The following SLFN5 variants were observed in gnomAD, a reference collection of about 807,000 sequenced individuals.
SLFN5 encodes schlafen family member 5.
In SLFN5, 34 loss-of-function variants were observed where a neutral mutation model predicts 48.5. The ratio of observed to expected loss-of-function variants is 0.70; its 90% CI spans 0.53 to 0.93. The LOEUF (loss-of-function observed/expected upper bound fraction) is 0.93. Ranked by LOEUF, SLFN5 falls within the 40% of genes least tolerant of loss-of-function variation. The probability of loss-of-function intolerance (pLI) is 0.00; values close to 1 mark genes in which losing one functional copy is unlikely to be tolerated. For missense variants in SLFN5, 1,006 were observed against 1,071.3 expected (o/e 0.94, Z 0.85); for synonymous variants, 387 against 396.2 (o/e 0.98, Z 0.28).
At position 35,258,633 on chromosome 17, in the gene SLFN5, T is replaced by C; in HGVS notation, c.-40-18T>C. The C allele has an allele frequency of 6.4e-7, 1 of 1,558,676 alleles. No homozygotes were observed. The highest frequency in any genetic ancestry group is 1.2e-5 in the South Asian group (1 of 82,114). ...TATTCTTGTCCTGTTCTAATGGTTC[T>C]ATCTTTCTGTTTTTCAGGAGAACAT... On this transcript the variant is annotated intron_variant, in intron 1 of 4. Transcript: ENST00000299977.
intron 3 of SLFN5, among the ~76,000 whole-genome samples, chr17:35,262,891 C>G (rs547107471): frequency 6.6e-6 from 1 of 152,216 alleles, no homozygotes; most frequent in South Asian, 2.1e-4. Flanking sequence ...CATGCTGTCC[C>G]TTTTTAGTCA....
In SLFN5 at chr17:35,266,523, T is replaced by G. The variant is rs12150082; in HGVS notation, c.*635T>G. 0.1 allele frequency: 15,418 copies of G among 152,290 alleles called. 860 individuals carry two copies. Among genetic ancestry groups the G allele is most frequent in the South Asian group, 0.13 (616 of 4,822 alleles). 9.4% of individuals were successfully genotyped at this position (152,290 alleles called of 1,614,324 possible). A position where few individuals can be genotyped will look rare whatever the true frequency, so the allele number is the denominator to read the frequency against. On this transcript the variant is annotated 3_prime_UTR_variant, in exon 5 of 5. Transcript: ENST00000299977. Reference sequence around the variant, plus strand: ...CTTTTAACGACATTAGTGTTTTTGATCACTATATTTTAAAATGCTTTTTGT... The same window carrying G: ...CTTTTAACGACATTAGTGTTTTTGAGCACTATATTTTAAAATGCTTTTTGT...
intron 3 of SLFN5, among the ~76,000 whole-genome samples, chr17:35,262,407 G>T (rs911988507): frequency 1.3e-5 from 2 of 148,440 alleles, no homozygotes; most frequent in African/African-American, 4.9e-5. Flanking sequence ...AAAAGGAAAA[G>T]AAAAAAAAAT....
intron 1 of SLFN5, among the ~76,000 whole-genome samples, chr17:35,246,524 A>T (rs1271352104): frequency 1.3e-5 from 2 of 152,058 alleles, no homozygotes; most frequent in Non-Finnish European, 2.9e-5. Flanking sequence ...TCAGAAGGAG[A>T]AGTTCTTAAA....
intron 1 of SLFN5, among the ~76,000 whole-genome samples, chr17:35,250,558 G>A (rs2092440041): frequency 6.6e-6 from 1 of 151,936 alleles, no homozygotes; most frequent in Non-Finnish European, 1.5e-5. Context: ...TACTCGGGAG[G>A]CTGAGGCAGG....
chr17:35,265,120 GA>G lies in SLFN5; in HGVS notation c.1913del (p.Asn638ThrfsTer54). Reference sequence around the variant, plus strand: ...AGCCAGTGACCCGGAAAACCTTCATGAAAAACAACTTTGAACACATCCAGCA... The same window carrying G: ...AGCCAGTGACCCGGAAAACCTTCATGAAAACAACTTTGAACACATCCAGCA... ...CQPVTRKTFM[K>X]NNFEHIQHII... On this transcript the variant is annotated frameshift_variant, in exon 5 of 5. Transcript: ENST00000299977. LOFTEE classifies it low-confidence loss of function (END_TRUNC). 6.2e-7 allele frequency: 1 copy of G among 1,613,614 alleles called. No homozygotes were observed. Among genetic ancestry groups the G allele is most frequent in the Non-Finnish European group, 8.5e-7 (1 of 1,179,882 alleles).
At chr17:35,251,457 G>T (rs1399019034) in intron 1 of SLFN5, among the ~76,000 whole-genome samples, 1 of 152,164 alleles carries the variant, frequency 6.6e-6, no homozygotes, top group Non-Finnish European at 1.5e-5. Context: ...CCAGGCTGGA[G>T]TGCAGTGGCG....
At position 35,259,674 on chromosome 17, in the gene SLFN5, G is replaced by T; in HGVS notation, c.984G>T (p.Trp328Cys). The T allele has an allele frequency of 6.2e-7, 1 of 1,600,422 alleles. No individual in the cohort carries two copies. Among genetic ancestry groups the T allele is most frequent in the South Asian group, 1.1e-5 (1 of 91,058 alleles). Reference sequence around the variant, plus strand: ...TGAGACAATTGCCCACAAGAGAATGGACTGCTTGGATGATGGAAGCTGACC... The same window carrying T: ...TGAGACAATTGCCCACAAGAGAATGTACTGCTTGGATGATGGAAGCTGACC... ...NRVRQLPTRE[W>C]TAWMMEADPD... The change falls in exon 2 of 5, where the codon TGG (tryptophan) becomes TGT (cysteine). Residue 328 changes from tryptophan to cysteine, a missense_variant. Physicochemically the swap from Trp to Cys is radical, Grantham distance 215 (BLOSUM62 -2). Transcript: ENST00000299977.
chr17:35,247,179 C>T (rs2092432718), intron 1 of SLFN5, among the ~76,000 whole-genome samples: 1 of 152,152 alleles, frequency 6.6e-6, no homozygotes, highest in South Asian at 2.1e-4. Flanking sequence ...AATATGTTCC[C>T]CAAACTAATC....
chr17:35,255,606 T>C (rs1483736698), intron 1 of SLFN5, among the ~76,000 whole-genome samples: 2 of 152,238 alleles, frequency 1.3e-5, no homozygotes, highest in East Asian at 1.9e-4. Context: ...GGAACCATTG[T>C]CTGCCTGAGC....
chr17:35,253,152 G>C (rs1012856700), intron 1 of SLFN5, among the ~76,000 whole-genome samples: 1 of 151,946 alleles, frequency 6.6e-6, no homozygotes, highest in Non-Finnish European at 1.5e-5. Context: ...GCATGGTAGC[G>C]GGGGTGTATA....
Position 35,265,510 on chromosome 17 carries a change from G to A in SLFN5, c.2298G>A (p.Leu766=), listed in dbSNP as rs1904654105. The change falls in exon 5 of 5, where the codon TTG becomes TTA. Residue 766 remains leucine (L), a synonymous_variant. Transcript: ENST00000299977. ...GNLEIIEDLN[L]EEILIYVANK... ...TAGAGATTATTGAAGACTTGAACTT[G>A]GAGGAGATACTGATCTATGTAGCGA... 4 of 1,614,236 alleles carry A rather than the reference G, an allele frequency of 2.5e-6. No individual in the cohort carries two copies. The highest frequency in any genetic ancestry group is 2.5e-6 in the Non-Finnish European group (3 of 1,180,046).
intron 1 of SLFN5, among the ~76,000 whole-genome samples, chr17:35,248,204 T>G (rs11080328): frequency 0.12 from 18,246 of 152,184 alleles, 1,276 homozygotes; most frequent in East Asian, 0.21. Context: ...GGGCCTTTAC[T>G]GGCTATTTTG....
At chr17:35,244,306 A>T (rs2092425769) in intron 1 of SLFN5, among the ~76,000 whole-genome samples, 1 of 152,078 alleles carries the variant, frequency 6.6e-6, no homozygotes, top group African/African-American at 2.4e-5. Context: ...GTTGCACCAG[A>T]AGGGGATCCT....
rs1904673344 is a variant in SLFN5, at chr17:35,265,969, C to G, written c.*81C>G. The G allele has an allele frequency of 7.2e-7, 1 of 1,379,440 alleles. No homozygotes were observed. The highest frequency in any genetic ancestry group is 1.4e-5 in the South Asian group (1 of 70,512). The allele number at this position is 1,379,440 out of a possible 1,614,324, so 85.5% of individuals were successfully genotyped here. A position where few individuals can be genotyped will look rare whatever the true frequency, so the allele number is the denominator to read the frequency against. ...AAACCATTTAATCCAAACATGTAAG[C>G]ACACACTCACTTATTAAGTCACATA... On this transcript the variant is annotated 3_prime_UTR_variant, in exon 5 of 5. Coordinates refer to ENST00000299977, the MANE Select transcript of SLFN5 (RefSeq NM_144975.4).
Position 35,260,950 on chromosome 17 carries a change from C to T in SLFN5, c.1013-21C>T, listed in dbSNP as rs921168941. The T allele has an allele frequency of 4.3e-6, 7 of 1,611,844 alleles. No homozygotes were observed. The East Asian group carries it at 6.7e-5, about 15-fold the overall frequency. On this transcript the variant is annotated intron_variant, in intron 2 of 4. Coordinates refer to ENST00000299977, the MANE Select transcript of SLFN5 (RefSeq NM_144975.4). ...GGGTCTGCCTTTTTGCATATTGAAT[C>T]CTTGGTTCTTGTTTCCTAAGACCTT...
At position 35,258,625 on chromosome 17, in the gene SLFN5, A is replaced by G. The variant is rs145046723; in HGVS notation, c.-40-26A>G. 4.4e-3 allele frequency: 6,742 copies of G among 1,545,850 alleles called. 18 individuals are homozygous for G. The highest frequency in any genetic ancestry group is 5.3e-3 in the Non-Finnish European group (6,026 of 1,146,220). On this transcript the variant is annotated intron_variant, in intron 1 of 4. Coordinates refer to ENST00000299977, the MANE Select transcript of SLFN5 (RefSeq NM_144975.4). ...GCCTCTCCTATTCTTGTCCTGTTCT[A>G]ATGGTTCTATCTTTCTGTTTTTCAG...
At chr17:35,243,638 CAG>C (rs2092424150) in intron 1 of SLFN5, among the ~76,000 whole-genome samples, 1 of 152,224 alleles carries the variant, frequency 6.6e-6, no homozygotes, top group South Asian at 2.1e-4. Flanking sequence ...ACTGTAACAA[CAG>C]GGGCAGGCTA....
In SLFN5 at chr17:35,265,751, C is replaced by G. The variant is rs146569957; in HGVS notation, c.2539C>G (p.Arg847Gly). The G allele has an allele frequency of 3.7e-5, 60 of 1,613,994 alleles. No individual in the cohort carries two copies. Among genetic ancestry groups the G allele is most frequent in the Non-Finnish European group, 4.6e-5 (54 of 1,180,020 alleles). The change falls in exon 5 of 5, where the codon CGA becomes GGA. Residue 847 changes from arginine (R) to glycine (G), a missense_variant. Coordinates refer to ENST00000299977, the MANE Select transcript of SLFN5 (RefSeq NM_144975.4). ...TCACATTGTGTTGGACAGTGTCTGT[C>G]GATTTTCAGGCCTGGAAAGAAATAT... ...TDHIVLDSVC[R>G]FSGLERNIVF...
Sources: allele counts gnomAD v4.1 joint callset (sites outside exome capture counted in the v4.1 genomes callset), GRCh38; gene constraint gnomAD v4.1.1; transcripts MANE v1.5; gene names NCBI Gene and HGNC (gene_info 2026-07-23, HGNC 2026-07-21).